CNTN6: variants seen among roughly 807,000 people sequenced by gnomAD.
CNTN6 encodes the protein contactin-6.
In CNTN6, 137 loss-of-function variants were observed where a neutral mutation model predicts 122.8. The observed-to-expected ratio is 1.12, with a 90% CI of 0.97 to 1.29. The LOEUF is 1.29. CNTN6 is among the 50% of genes most tolerant of loss of function. CNTN6 has a pLI of 0.00. For synonymous variants in CNTN6, 570 were observed against 426.0 expected (o/e 1.34, Z -4.16); for missense variants, 1,634 against 1,223.4 (o/e 1.34, Z -5.01).
At chr3:1,203,133 C>A (rs2093909013) in intron 2 of CNTN6, among the ~76,000 whole-genome samples, 1 of 152,090 alleles carries the variant, frequency 6.6e-6, no homozygotes. Context: ...CATTGTGTTC[C>A]ACTAAGAAAA....
chr3:1,191,208 G>A (rs2093697384), intron 2 of CNTN6, among the ~76,000 whole-genome samples: 1 of 152,032 alleles, frequency 6.6e-6, no homozygotes, highest in Non-Finnish European at 1.5e-5. Flanking sequence ...TGATTCCAGA[G>A]CTTGGAATTT....
At chr3:1,384,219 GTTCTT>G (rs1035478305) in intron 19 of CNTN6, among the ~76,000 whole-genome samples, 2 of 152,080 alleles carry the variant, frequency 1.3e-5, no homozygotes, top group African/African-American at 4.8e-5. Flanking sequence ...CATATTAAGT[GTTCTT>G]ACCACAACAT....
chr3:1,174,144 C>T (rs965026948), intron 2 of CNTN6, among the ~76,000 whole-genome samples: 1 of 152,188 alleles, frequency 6.6e-6, no homozygotes, highest in African/African-American at 2.4e-5. Flanking sequence ...TAAAATGGGT[C>T]TTCTCTGCAA....
At chr3:1,102,403 C>T (rs767533927) in intron 1 of CNTN6, among the ~76,000 whole-genome samples, 2 of 152,272 alleles carry the variant, frequency 1.3e-5, no homozygotes, top group Admixed American at 6.5e-5. Context: ...TCAGGTGTGC[C>T]GCTAATTTTC....
At chr3:1,363,920 C>A (rs1499115) in intron 12 of CNTN6, among the ~76,000 whole-genome samples, 4 of 151,696 alleles carry the variant, frequency 2.6e-5, no homozygotes, top group Non-Finnish European at 3.0e-5. Context: ...AGATAACAGT[C>A]ATCTCTTGTC....
In CNTN6 at chr3:1,363,800, T is replaced by A. The variant is rs1161398975; in HGVS notation, c.1493-8499T>A. Among the ~76,000 whole-genome samples, 4 of 151,938 alleles carry A rather than the reference T, an allele frequency of 2.6e-5. No individual in the cohort carries two copies. The East Asian group carries it at 7.7e-4, about 29-fold the overall frequency. The stretch of plus-strand genomic sequence containing the variant: ...CCACAAGAGGGATTGCTGGGTTGTA[T>A]GGTATCTCTATTTTTAATTTTAGGG... On this transcript the variant is annotated intron_variant, in intron 12 of 22. Coordinates refer to ENST00000446702, the MANE Select transcript of CNTN6 (RefSeq NM_001289080.2).
chr3:1,291,327 G>A (rs892621135), intron 5 of CNTN6, among the ~76,000 whole-genome samples: 4 of 152,178 alleles, frequency 2.6e-5, no homozygotes, highest in Non-Finnish European at 5.9e-5. Flanking sequence ...CACACCACAT[G>A]TAGGAATAGA....
chr3:1,179,423 G>A (rs545251094), intron 2 of CNTN6, among the ~76,000 whole-genome samples: 1 of 152,116 alleles, frequency 6.6e-6, no homozygotes, highest in Non-Finnish European at 1.5e-5. Context: ...GCCCGGGAGC[G>A]TGGTGGTAAG....
intron 2 of CNTN6, among the ~76,000 whole-genome samples, chr3:1,196,944 G>A (rs1040044258): frequency 6.6e-6 from 1 of 152,062 alleles, no homozygotes; most frequent in African/African-American, 2.4e-5. Flanking sequence ...AATAGCTGTG[G>A]GAGAAGAAAC....
chr3:1,202,253 T>A (rs112343705), intron 2 of CNTN6, among the ~76,000 whole-genome samples: 1,575 of 152,322 alleles, frequency 0.01, 31 homozygotes, highest in African/African-American at 0.037. Flanking sequence ...AGCTGTAACA[T>A]GTTTGGGCCG....
At chr3:1,258,302 A>G (rs1472004446) in intron 4 of CNTN6, among the ~76,000 whole-genome samples, 1 of 152,148 alleles carries the variant, frequency 6.6e-6, no homozygotes, top group African/African-American at 2.4e-5. Flanking sequence ...TATTGAATGC[A>G]ATATCCAGAT....
chr3:1,387,447 G>A (rs1693201703), intron 20 of CNTN6, among the ~76,000 whole-genome samples: 1 of 152,170 alleles, frequency 6.6e-6, no homozygotes, highest in African/African-American at 2.4e-5. Flanking sequence ...GCTTCTTTCA[G>A]CTAATCTGCA....
chr3:1,160,117 C>T (rs1209279037), intron 2 of CNTN6, among the ~76,000 whole-genome samples: 2 of 151,956 alleles, frequency 1.3e-5, no homozygotes, highest in South Asian at 2.1e-4. Flanking sequence ...CCACGCCCGG[C>T]CAATCATTCA....
rs540765036 is a variant in CNTN6 at position 1,370,850 on chromosome 3, AAAT to A, written c.1493-1440_1493-1438del. ...GTGACGGAGCGAGACTCCATCTCAA[AAAT>A]AATAATAACAAAAGTAAAAAAAAGT... On this transcript the variant is annotated intron_variant, in intron 12 of 22. Coordinates refer to ENST00000446702, the MANE Select transcript of CNTN6 (RefSeq NM_001289080.2). Among the ~76,000 whole-genome samples, 383 of 152,238 alleles carry A rather than the reference AAAT, an allele frequency of 2.5e-3. 1 individual carries two copies. Among genetic ancestry groups the A allele is most frequent in the Non-Finnish European group, 4.0e-3 (269 of 68,020 alleles).
At chr3:1,299,330 T>C (rs1696808435) in intron 7 of CNTN6, among the ~76,000 whole-genome samples, 1 of 152,124 alleles carries the variant, frequency 6.6e-6, no homozygotes, top group Admixed American at 6.5e-5. Context: ...TCTTTGATAA[T>C]TAGATAATTA....
At chr3:1,338,465 T>G (rs1473956698) in intron 11 of CNTN6, among the ~76,000 whole-genome samples, 2 of 152,136 alleles carry the variant, frequency 1.3e-5, no homozygotes, top group Non-Finnish European at 2.9e-5. Context: ...AGAGGAGCAC[T>G]GGTTTGGTGC....
At chr3:1,402,224 T>A (rs1695807030) in intron 21 of CNTN6, 94 bp from the exon 22 acceptor site, 1 of 863,196 alleles carries the variant, frequency 1.2e-6, no homozygotes, top group Non-Finnish European at 1.7e-6. Flanking sequence ...ACATTTATGA[T>A]GATGTATCTT....
At chr3:1,298,108 G>T in intron 7 of CNTN6, 117 bp downstream of exon 7, 1 of 666,732 alleles carries the variant, frequency 1.5e-6, no homozygotes, top group South Asian at 2.0e-5. Flanking sequence ...TTCAAATGCT[G>T]GGCAACAGTG....
chr3:1,181,493 T>C (rs1293339363), intron 2 of CNTN6, among the ~76,000 whole-genome samples: 1 of 152,152 alleles, frequency 6.6e-6, no homozygotes, highest in Non-Finnish European at 1.5e-5. Context: ...GCAAAACAAA[T>C]ATAGCATTTG....
Sources: gnomAD v4.1 joint callset for allele counts (sites outside exome capture counted in the v4.1 genomes callset) on GRCh38, gnomAD v4.1.1 for gene constraint, MANE v1.5 for transcripts, NCBI Gene and HGNC (gene_info 2026-07-23, HGNC 2026-07-21) for gene names.